Variants in MYO3B observed in about 807,000 individuals in gnomAD.
The protein encoded by MYO3B is myosin-IIIb.
In MYO3B, 156 loss-of-function variants were observed where a neutral mutation model predicts 174.6. That is an observed-to-expected ratio of 0.89 (90% confidence interval 0.78 to 1.02). MYO3B has a LOEUF of 1.02. Ranked by LOEUF, MYO3B falls within the 50% of genes least tolerant of loss-of-function variation. The probability of loss-of-function intolerance (pLI) is 0.00; values close to 1 mark genes in which losing one functional copy is unlikely to be tolerated. For missense variants in MYO3B, 1,632 were observed against 1,639.4 expected (o/e 1.00, Z 0.08); for synonymous variants, 563 against 569.1 (o/e 0.99, Z 0.15).
chr2:170,588,363 C>G (rs975829934), intron 32 of MYO3B, among the ~76,000 whole-genome samples: 6 of 152,024 alleles, frequency 3.9e-5, no homozygotes, highest in African/African-American at 1.5e-4. Flanking sequence ...TTCTTAAGCC[C>G]AGGATTTTGA....
At chr2:170,547,973 G>A (rs1334362522) in intron 32 of MYO3B, among the ~76,000 whole-genome samples, 1 of 152,002 alleles carries the variant, frequency 6.6e-6, no homozygotes, top group African/African-American at 2.4e-5. Context: ...CGGGCGTGGT[G>A]GCAGGCGCCT....
chr2:170,369,081 A>T, intron 8 of MYO3B, 141 bp from the exon 9 acceptor site: 1 of 578,736 alleles, frequency 1.7e-6, no homozygotes, highest in Non-Finnish European at 2.8e-6. Context: ...GGTACATATT[A>T]ATTAAAGAGA....
At chr2:170,447,548 A>G (rs1268372418) in intron 23 of MYO3B, among the ~76,000 whole-genome samples, 2 of 152,220 alleles carry the variant, frequency 1.3e-5, no homozygotes, top group African/African-American at 4.8e-5. Context: ...GAGTAAACTT[A>G]GTTGACAAAT....
At chr2:170,357,301 A>G (rs76285068) in intron 8 of MYO3B, among the ~76,000 whole-genome samples, 13,291 of 148,390 alleles carry the variant, frequency 0.09, 616 homozygotes, top group Middle Eastern at 0.12. Context: ...GAGAGACTCC[A>G]TCTCAAAAAA....
chr2:170,632,573 C>A (rs1233732533), intron 32 of MYO3B, among the ~76,000 whole-genome samples: 1 of 152,094 alleles, frequency 6.6e-6, no homozygotes, highest in Non-Finnish European at 1.5e-5. Context: ...ATTAAAAGAA[C>A]TAGAGAGGCA....
At chr2:170,400,928 T>G (rs932196506) in intron 17 of MYO3B, among the ~76,000 whole-genome samples, 1 of 151,994 alleles carries the variant, frequency 6.6e-6, no homozygotes, top group Admixed American at 6.5e-5. Context: ...GTTTTTAACC[T>G]TGGCTGTTTT....
chr2:170,292,057 T>C (rs2093600201), intron 7 of MYO3B, among the ~76,000 whole-genome samples: 1 of 152,180 alleles, frequency 6.6e-6, no homozygotes, highest in South Asian at 2.1e-4. Flanking sequence ...TGTACATCAA[T>C]AATTCTTAGA....
At chr2:170,563,934 A>G (rs187517399) in intron 32 of MYO3B, among the ~76,000 whole-genome samples, 19 of 152,324 alleles carry the variant, frequency 1.2e-4, no homozygotes, top group African/African-American at 3.6e-4. Flanking sequence ...GCTGTGGCAT[A>G]TGATTTAAGG....
At chr2:170,223,829 T>C (rs961783174) in intron 6 of MYO3B, among the ~76,000 whole-genome samples, 2 of 152,200 alleles carry the variant, frequency 1.3e-5, no homozygotes, top group Admixed American at 1.3e-4. Flanking sequence ...TCGTTTTTAT[T>C]GAGGACACCA....
At chr2:170,505,540 T>C (rs181556356) in intron 28 of MYO3B, among the ~76,000 whole-genome samples, 94 of 152,324 alleles carry the variant, frequency 6.2e-4, no homozygotes, top group Admixed American at 1.2e-3. Context: ...GTTTCAGAAA[T>C]TGGACCTAAC....
chr2:170,617,023 G>C (rs138788291), intron 32 of MYO3B, among the ~76,000 whole-genome samples: 1 of 152,116 alleles, frequency 6.6e-6, no homozygotes, highest in African/African-American at 2.4e-5. Flanking sequence ...ATAACAGTTT[G>C]TCTTAGATCA....
chr2:170,212,889 C>T (rs4668221), intron 3 of MYO3B, among the ~76,000 whole-genome samples: 81,189 of 152,108 alleles, frequency 0.53, 21,693 homozygotes, highest in Admixed American at 0.61. Flanking sequence ...TAAACACTTG[C>T]GGGGCAGGTC....
intron 6 of MYO3B, among the ~76,000 whole-genome samples, chr2:170,222,517 G>C (rs1041524403): frequency 6.6e-6 from 1 of 152,138 alleles, no homozygotes; most frequent in African/African-American, 2.4e-5. Context: ...GTTTGCTGGT[G>C]ATCTTTGGTG....
chr2:170,490,305 G>A (rs1011753219), intron 25 of MYO3B, among the ~76,000 whole-genome samples: 1 of 152,132 alleles, frequency 6.6e-6, no homozygotes, highest in Admixed American at 6.6e-5. Flanking sequence ...TGGGATTACA[G>A]GCGTGAGCCA....
rs545911050 is a variant in MYO3B at position 170,315,066 on chromosome 2, G to A, written c.750-20319G>A. ...TATCAAGTTTTGCTTCAAATTACAG[G>A]CATCCTGTTGTTCTTAATGTTTTAT... On this transcript the variant is annotated intron_variant, in intron 7 of 34. Coordinates refer to ENST00000408978, the MANE Select transcript of MYO3B (RefSeq NM_138995.5). 7.2e-5 allele frequency among the ~76,000 whole-genome samples: 11 copies of A among 152,262 alleles called. No homozygotes were observed. The East Asian group carries it at 2.1e-3, about 29-fold the overall frequency.
At chr2:170,462,469 C>A (rs879789490) in intron 23 of MYO3B, among the ~76,000 whole-genome samples, 10 of 152,262 alleles carry the variant, frequency 6.6e-5, no homozygotes, top group Admixed American at 6.5e-4. Flanking sequence ...AACTCTCACC[C>A]CTTTTAGCAC....
At chr2:170,430,368 G>T in intron 22 of MYO3B, among the ~76,000 whole-genome samples, 1 of 137,450 alleles carries the variant, frequency 7.3e-6, no homozygotes, top group African/African-American at 2.7e-5. Flanking sequence ...TTTTTTTTCT[G>T]GATAGCTTTT....
At chr2:170,632,511 A>C (rs550050575) in intron 32 of MYO3B, among the ~76,000 whole-genome samples, 1 of 152,354 alleles carries the variant, frequency 6.6e-6, no homozygotes, top group East Asian at 1.9e-4. Context: ...ATAGCACTAA[A>C]TGCCCACAAG....
chr2:170,399,459 G>A (rs2094461740), intron 16 of MYO3B, among the ~76,000 whole-genome samples: 1 of 135,874 alleles, frequency 7.4e-6, no homozygotes, highest in African/African-American at 2.6e-5. Flanking sequence ...GGGTGACAGA[G>A]CAAGACTCTA....
Sources: gnomAD v4.1 joint callset for allele counts (sites outside exome capture counted in the v4.1 genomes callset) on GRCh38, gnomAD v4.1.1 for gene constraint, MANE v1.5 for transcripts, NCBI Gene and HGNC (gene_info 2026-07-23, HGNC 2026-07-21) for gene names.